Variants in TTC39C observed in about 807,000 individuals in gnomAD.
TTC39C encodes tetratricopeptide repeat protein 39C.
TTC39C carries 33 observed loss-of-function variants against 76.3 expected under a neutral mutation model. The observed-to-expected ratio is 0.43, with a 90% CI of 0.33 to 0.58. TTC39C has a LOEUF of 0.58. TTC39C is among the 20% of genes least tolerant of loss of function. TTC39C has a pLI of 0.04. For synonymous variants in TTC39C, 254 were observed against 260.6 expected (o/e 0.97, Z 0.24); for missense variants, 595 against 701.4 (o/e 0.85, Z 1.71).
At chr18:24,001,842 T>TTTTC (rs1243616531) in intron 1 of TTC39C, among the ~76,000 whole-genome samples, 6 of 150,158 alleles carry the variant, frequency 4.0e-5, no homozygotes, top group Admixed American at 4.0e-4. Flanking sequence ...TTTTTTTTTT[T>TTTTC]TGAGACGGAG....
chr18:24,106,021 T>A (rs918136457), intron 6 of TTC39C, among the ~76,000 whole-genome samples: 2 of 152,176 alleles, frequency 1.3e-5, no homozygotes, highest in African/African-American at 4.8e-5. Flanking sequence ...TGAGCTGGCC[T>A]CCGCATCTGC....
At chr18:24,051,537 G>A (rs891130971) in intron 1 of TTC39C, among the ~76,000 whole-genome samples, 5 of 152,168 alleles carry the variant, frequency 3.3e-5, no homozygotes, top group Admixed American at 6.5e-5. Context: ...AAACGAGTCT[G>A]AACAGAAGAC....
chr18:24,046,170 C>T (rs996360917), intron 1 of TTC39C, among the ~76,000 whole-genome samples: 2 of 151,694 alleles, frequency 1.3e-5, no homozygotes, highest in African/African-American at 4.8e-5. Flanking sequence ...GATCTCCTGA[C>T]CTCGTGATCC....
chr18:24,064,189 G>T lies in TTC39C; in HGVS notation c.216+1G>T, dbSNP rs764960590. ...TGGAGCCAGCTTTGTCAGTTTTTTG[G>T]TAAGTTGATATCTTAAGACCTATTG... On this transcript the variant is annotated splice_donor_variant, in intron 2 of 13. Coordinates refer to ENST00000317571, the MANE Select transcript of TTC39C (RefSeq NM_001135993.2). LOFTEE classifies it high-confidence loss of function. The T allele has an allele frequency of 6.2e-7, 1 of 1,613,522 alleles. No individual in the cohort carries two copies.
In TTC39C at chr18:24,080,526, A is replaced by G. The variant is rs192550778; in HGVS notation, c.461-59A>G. ...AGGTTACTGTTCAGTATCCTTTACT[A>G]TAGAAATAGAAAAATTATTTTGAAT... is the stretch of plus-strand genomic sequence containing the variant. On this transcript the variant is annotated intron_variant, in intron 4 of 13. Coordinates refer to ENST00000317571, the MANE Select transcript of TTC39C (RefSeq NM_001135993.2). 3.1e-5 allele frequency: 42 copies of G among 1,338,066 alleles called. 1 individual carries two copies. In the East Asian group the frequency reaches 9.2e-4, roughly 29 times the overall value. 82.9% of individuals were successfully genotyped at this position (1,338,066 alleles called of 1,614,324 possible). A position where few individuals can be genotyped will look rare whatever the true frequency, so the allele number is the denominator to read the frequency against.
rs756471825 is a variant in TTC39C at position 24,066,141 on chromosome 18, G to A, written c.345+1G>A. On this transcript the variant is annotated splice_donor_variant, in intron 3 of 13. Coordinates refer to ENST00000317571, the MANE Select transcript of TTC39C (RefSeq NM_001135993.2). LOFTEE classifies it high-confidence loss of function. ...AATCAAGAATAAAATTAAGAAGAAC[G>A]TAAGTATTGCGGCTTTAGGTTGTGG... 4.4e-6 allele frequency: 7 copies of A among 1,595,238 alleles called. No individual in the cohort carries two copies. The highest frequency in any genetic ancestry group is 1.7e-4 in the Middle Eastern group (1 of 6,008).
At chr18:24,063,658 C>T (rs1473924886) in intron 1 of TTC39C, among the ~76,000 whole-genome samples, 1 of 151,978 alleles carries the variant, frequency 6.6e-6, no homozygotes, top group African/African-American at 2.4e-5. Flanking sequence ...GGATTACAGA[C>T]ACCCGCCACC....
At chr18:24,091,857 A>G (rs2084520624) in intron 6 of TTC39C, among the ~76,000 whole-genome samples, 1 of 152,096 alleles carries the variant, frequency 6.6e-6, no homozygotes, top group East Asian at 1.9e-4. Context: ...TGGGAAGCCA[A>G]GGCGGACAGA....
chr18:24,098,792 T>G (rs929068516), intron 6 of TTC39C, among the ~76,000 whole-genome samples: 2 of 151,400 alleles, frequency 1.3e-5, no homozygotes, highest in Admixed American at 6.6e-5. Flanking sequence ...ACACCACACC[T>G]GGCTAATTTT....
rs1352016032 is a variant in TTC39C, at chr18:24,132,524, G to A, written c.1702G>A (p.Val568Ile). Reference sequence around the variant, plus strand: ...CTACGACTTTGAAAACAGATTGCATGTCCGCATCCATGCTGCTCTGGCCTC... The same window carrying A: ...CTACGACTTTGAAAACAGATTGCATATCCGCATCCATGCTGCTCTGGCCTC... ...SGYDFENRLH[V>I]RIHAALASLR... Residue 568 changes from valine (V) to isoleucine (I), a missense_variant, in exon 14 of 14, where the codon GTC becomes ATC. By Grantham distance (29) the Val-to-Ile change is conservative (BLOSUM62 3). Transcript: ENST00000317571. The A allele has an allele frequency of 3.1e-6, 5 of 1,614,060 alleles. No individual in the cohort carries two copies. Among genetic ancestry groups the A allele is most frequent in the Non-Finnish European group, 4.2e-6 (5 of 1,179,998 alleles).
intron 1 of TTC39C, among the ~76,000 whole-genome samples, chr18:24,062,392 G>A (rs529428978): frequency 1.9e-4 from 29 of 152,276 alleles, no homozygotes; most frequent in African/African-American, 6.7e-4. Flanking sequence ...TCACTGACTC[G>A]GATTTGTGAA....
At chr18:24,036,719 C>T (rs2083737361) in intron 1 of TTC39C, among the ~76,000 whole-genome samples, 2 of 152,182 alleles carry the variant, frequency 1.3e-5, no homozygotes, top group Non-Finnish European at 1.5e-5. Context: ...CAGTCTTGAT[C>T]TCCCCAGGCT....
At chr18:24,100,114 T>C (rs935949971) in intron 6 of TTC39C, among the ~76,000 whole-genome samples, 2 of 152,232 alleles carry the variant, frequency 1.3e-5, no homozygotes. Context: ...ACACATTTGT[T>C]GTATTAGAAT....
At chr18:24,056,006 C>A (rs540617381) in intron 1 of TTC39C, among the ~76,000 whole-genome samples, 1 of 152,300 alleles carries the variant, frequency 6.6e-6, no homozygotes, top group African/African-American at 2.4e-5. Flanking sequence ...ACAAGCAGAG[C>A]AGAGGATATC....
intron 6 of TTC39C, among the ~76,000 whole-genome samples, chr18:24,083,548 G>A (rs2084403281): frequency 6.6e-6 from 1 of 152,034 alleles, no homozygotes. Context: ...GCTTAATTTG[G>A]CTCAGTACTG....
At chr18:24,111,810 G>T (rs2084814970) in intron 6 of TTC39C, among the ~76,000 whole-genome samples, 1 of 151,892 alleles carries the variant, frequency 6.6e-6, no homozygotes, top group South Asian at 2.1e-4. Context: ...GTTGAGATGG[G>T]AGTATCTCTT....
intron 1 of TTC39C, among the ~76,000 whole-genome samples, chr18:23,998,851 A>C (rs1412163082): frequency 6.6e-6 from 1 of 151,954 alleles, no homozygotes; most frequent in African/African-American, 2.4e-5. Context: ...ACTACTAAAC[A>C]GTGGTAAAAA....
At chr18:23,998,481 A>G (rs1012557358) in intron 1 of TTC39C, among the ~76,000 whole-genome samples, 2 of 152,146 alleles carry the variant, frequency 1.3e-5, no homozygotes, top group African/African-American at 4.8e-5. Context: ...GTGATGGTGC[A>G]CGCCTGTAAT....
intron 1 of TTC39C, among the ~76,000 whole-genome samples, chr18:24,046,198 A>G (rs138931125): frequency 0.032 from 4,831 of 151,768 alleles, 303 homozygotes; most frequent in African/African-American, 0.11. Context: ...TTGGCCTCCC[A>G]AAGTGCTGGG....
Sources: gnomAD v4.1 joint callset for allele counts (sites outside exome capture counted in the v4.1 genomes callset) on GRCh38, gnomAD v4.1.1 for gene constraint, MANE v1.5 for transcripts, NCBI Gene and HGNC (gene_info 2026-07-23, HGNC 2026-07-21) for gene names.